Variants in DAB1 observed in about 807,000 individuals in gnomAD.
DAB1 encodes disabled homolog 1.
DAB1 carries 15 observed loss-of-function variants against 64.6 expected under a neutral mutation model. That is an observed-to-expected ratio of 0.23 (90% CI 0.16 to 0.36). DAB1 has a LOEUF of 0.36. Among genes scored for constraint, DAB1 ranks in the 10% least tolerant of loss-of-function variants. The pLI, the probability that DAB1 is intolerant of heterozygous loss-of-function variation, is 1.00. For synonymous variants in DAB1, 235 were observed against 251.9 expected (o/e 0.93, Z 0.64); for missense variants, 596 against 706.7 (o/e 0.84, Z 1.78).
At chr1:57,130,220 A>G (rs1657530782) in intron 4 of DAB1, among the ~76,000 whole-genome samples, 1 of 152,104 alleles carries the variant, frequency 6.6e-6, no homozygotes, top group Admixed American at 6.6e-5. Flanking sequence ...ATGTAATATT[A>G]TTTAACACCT....
chr1:58,174,606 A>G (rs890519533), intron 4 of DAB1, among the ~76,000 whole-genome samples: 5 of 152,302 alleles, frequency 3.3e-5, no homozygotes, highest in African/African-American at 1.2e-4. Flanking sequence ...GGGGATTGAG[A>G]GGTGAAGCCA....
intron 7 of DAB1, among the ~76,000 whole-genome samples, chr1:57,642,831 C>A (rs1359512421): frequency 6.6e-6 from 1 of 152,212 alleles, no homozygotes; most frequent in South Asian, 2.1e-4. Context: ...TCATTTTGTC[C>A]CAGATGCTGT....
At chr1:57,570,074 G>A (rs985985455) in intron 7 of DAB1, among the ~76,000 whole-genome samples, 32 of 152,270 alleles carry the variant, frequency 2.1e-4, no homozygotes, top group African/African-American at 7.2e-4. Context: ...TATCCTGGGT[G>A]TATCTGTGAG....
intron 7 of DAB1, among the ~76,000 whole-genome samples, chr1:57,439,418 G>GTTTTTTTTGTTTGTTTTTTTTTGTTTTT: frequency 1.7e-5 from 2 of 116,172 alleles, no homozygotes; most frequent in South Asian, 6.5e-4. Context: ...TGGTGATGAG[G>GTTTTTTTTGTTTGTTTTTTTTTGTTTTT]TTTTTTCTTT....
chr1:58,525,778 A>G (rs1422519075), intron 2 of DAB1, among the ~76,000 whole-genome samples: 1 of 152,130 alleles, frequency 6.6e-6, no homozygotes, highest in Non-Finnish European at 1.5e-5. Flanking sequence ...ATTCTGCAGA[A>G]CAACACTGGA....
At chr1:58,198,289 G>A (rs142916096) in intron 4 of DAB1, among the ~76,000 whole-genome samples, 1 of 152,354 alleles carries the variant, frequency 6.6e-6, no homozygotes, top group Non-Finnish European at 1.5e-5. Context: ...CCTGGAAATA[G>A]TCAATGGAAA....
chr1:57,850,465 T>C (rs1653470224), intron 1 of DAB1, among the ~76,000 whole-genome samples: 1 of 152,160 alleles, frequency 6.6e-6, no homozygotes, highest in African/African-American at 2.4e-5. Flanking sequence ...TTTTTTTTTT[T>C]TTTAACTGAG....
chr1:57,522,005 G>A (rs546108486), intron 7 of DAB1, among the ~76,000 whole-genome samples: 3 of 152,266 alleles, frequency 2.0e-5, no homozygotes, highest in African/African-American at 7.2e-5. Flanking sequence ...AGCTACTTGG[G>A]AGGCTGAGGC....
intron 6 of DAB1, among the ~76,000 whole-genome samples, chr1:57,790,956 A>C (rs1650570517): frequency 1.3e-5 from 2 of 152,210 alleles, no homozygotes; most frequent in African/African-American, 2.4e-5. Context: ...AGGACTAATA[A>C]AATAATATTA....
At chr1:58,434,851 T>TTTCACAGTC (rs1644924157) in intron 3 of DAB1, among the ~76,000 whole-genome samples, 1 of 152,182 alleles carries the variant, frequency 6.6e-6, no homozygotes, top group Admixed American at 6.5e-5. Flanking sequence ...AATAACCTAA[T>TTTCACAGTC]TTCACAGTCT....
intron 5 of DAB1, among the ~76,000 whole-genome samples, chr1:58,104,532 T>A (rs943922661): frequency 2.4e-4 from 36 of 152,322 alleles, no homozygotes; most frequent in African/African-American, 6.3e-4. Context: ...CCAATTTTTT[T>A]AAATTTTCCA....
At chr1:57,629,294 G>A (rs140760931) in intron 7 of DAB1, among the ~76,000 whole-genome samples, 74 of 152,258 alleles carry the variant, frequency 4.9e-4, no homozygotes, top group African/African-American at 1.6e-3. Context: ...AGCTATTTGC[G>A]CCTTGACAGT....
At chr1:57,914,266 A>T (rs1644692279) in intron 5 of DAB1, among the ~76,000 whole-genome samples, 1 of 152,166 alleles carries the variant, frequency 6.6e-6, no homozygotes, top group South Asian at 2.1e-4. Flanking sequence ...ATGCAGCCAT[A>T]AAAAATGATG....
At chr1:57,209,685 G>A (rs1665853905) in intron 2 of DAB1, among the ~76,000 whole-genome samples, 1 of 152,170 alleles carries the variant, frequency 6.6e-6, no homozygotes, top group African/African-American at 2.4e-5. Flanking sequence ...TTTGTCTACT[G>A]TTACTGGATA....
chr1:57,065,360 A>C (rs1352454217), intron 8 of DAB1, among the ~76,000 whole-genome samples: 1 of 152,228 alleles, frequency 6.6e-6, no homozygotes, highest in African/African-American at 2.4e-5. Context: ...GATGGTGAAC[A>C]TGATGGATAT....
chr1:57,047,922 C>A lies in DAB1; in HGVS notation c.723+14962G>T, dbSNP rs545153837. On this transcript the variant is annotated intron_variant, in intron 9 of 14. Transcript: ENST00000371236. Reference sequence around the variant, plus strand: ...GGGCAGGTCTTGCTCATCCTTATATCTCTTAAAGCACTTGGTATAGTCCTT... The same window carrying A: ...GGGCAGGTCTTGCTCATCCTTATATATCTTAAAGCACTTGGTATAGTCCTT... Among the ~76,000 whole-genome samples, 3 of 152,332 alleles carry A rather than the reference C, an allele frequency of 2.0e-5. No homozygotes were observed. In the South Asian group the frequency reaches 6.2e-4, roughly 32 times the overall value.
chr1:57,034,577 T>G (rs1647078362), intron 9 of DAB1, among the ~76,000 whole-genome samples: 1 of 152,204 alleles, frequency 6.6e-6, no homozygotes, highest in African/African-American at 2.4e-5. Context: ...GGGCAACATT[T>G]AATTGCTTTG....
chr1:57,504,220 T>C (rs1038144385), intron 7 of DAB1, among the ~76,000 whole-genome samples: 2 of 152,178 alleles, frequency 1.3e-5, no homozygotes, highest in African/African-American at 4.8e-5. Flanking sequence ...AAGGGAAAAG[T>C]GACATTAAAA....
At chr1:57,563,857 C>G (rs1006839002) in intron 7 of DAB1, among the ~76,000 whole-genome samples, 3 of 152,206 alleles carry the variant, frequency 2.0e-5, no homozygotes, top group African/African-American at 7.2e-5. Context: ...GACTCCATCT[C>G]TGGGGGCAGG....
Sources: allele counts gnomAD v4.1 joint callset (sites outside exome capture counted in the v4.1 genomes callset), GRCh38; gene constraint gnomAD v4.1.1; transcripts MANE v1.5; gene names NCBI Gene and HGNC (gene_info 2026-07-23, HGNC 2026-07-21).